TUNAR: variants seen among roughly 807,000 people sequenced by gnomAD.
TUNAR encodes the protein transmembrane neural differentiation associated intracellular calcium regulator, also known as protein TUNAR.
At chr14:95,910,045 C>T (rs780012975) in intron 2 of TUNAR, among the ~76,000 whole-genome samples, 5 of 152,142 alleles carry the variant, frequency 3.3e-5, no homozygotes, top group African/African-American at 1.2e-4. Flanking sequence ...ATGTTGGCTG[C>T]GTGATTTAAA....
At chr14:95,881,156 G>C (rs1475138052) in intron 2 of TUNAR, among the ~76,000 whole-genome samples, 1 of 152,160 alleles carries the variant, frequency 6.6e-6, no homozygotes, top group Non-Finnish European at 1.5e-5. Flanking sequence ...TTTGACGTAA[G>C]TAGCATACGG....
chr14:95,886,617 G>T (rs553445148), intron 2 of TUNAR, among the ~76,000 whole-genome samples: 21 of 152,328 alleles, frequency 1.4e-4, no homozygotes, highest in Non-Finnish European at 2.8e-4. Context: ...CCTCTGGAGG[G>T]TTCCCTGCCC....
chr14:95,882,438 A>C (rs1888995209), intron 2 of TUNAR, among the ~76,000 whole-genome samples: 1 of 152,234 alleles, frequency 6.6e-6, no homozygotes, highest in Non-Finnish European at 1.5e-5. Flanking sequence ...AACGAGAAGC[A>C]CAAAATAAAT....
chr14:95,922,957 C>T (rs965898313), exon 3 of TUNAR: 1 of 398,904 alleles, frequency 2.5e-6, no homozygotes, highest in Non-Finnish European at 4.4e-6. Context: ...ACATATACAC[C>T]ACCCTGTGAA....
intron 2 of TUNAR, among the ~76,000 whole-genome samples, chr14:95,893,682 G>A (rs1163636282): frequency 6.6e-6 from 1 of 152,044 alleles, no homozygotes; most frequent in Non-Finnish European, 1.5e-5. Flanking sequence ...CTCAAGTGCT[G>A]GAGTTCTCAA....
At chr14:95,903,096 A>G (rs1312011945) in intron 2 of TUNAR, among the ~76,000 whole-genome samples, 1 of 152,202 alleles carries the variant, frequency 6.6e-6, no homozygotes, top group Non-Finnish European at 1.5e-5. Flanking sequence ...GCTGAGGCTC[A>G]GAAACAATAG....
chr14:95,922,347 G>GC (rs1442919088), intron 2 of TUNAR, among the ~76,000 whole-genome samples: 4 of 152,186 alleles, frequency 2.6e-5, no homozygotes, highest in African/African-American at 9.7e-5. Context: ...GGACTGTGAT[G>GC]CCCCATACAC....
chr14:95,899,965 C>T (rs1407184787), intron 2 of TUNAR, among the ~76,000 whole-genome samples: 1 of 152,178 alleles, frequency 6.6e-6, no homozygotes, highest in Non-Finnish European at 1.5e-5. Context: ...GAACTTTCTC[C>T]TATAGAATAT....
intron 2 of TUNAR, among the ~76,000 whole-genome samples, chr14:95,916,843 C>T (rs1482165373): frequency 4.6e-5 from 7 of 152,148 alleles, no homozygotes; most frequent in Non-Finnish European, 8.8e-5. Flanking sequence ...GATGGTAGCT[C>T]ACTGTGTTTC....
intron 2 of TUNAR, among the ~76,000 whole-genome samples, chr14:95,900,575 T>C (rs1249360278): frequency 6.6e-6 from 1 of 152,096 alleles, no homozygotes; most frequent in African/African-American, 2.4e-5. Flanking sequence ...TCTTGTCTGG[T>C]GAGGGCACAG....
chr14:95,884,120 C>T (rs1015072037), intron 2 of TUNAR, among the ~76,000 whole-genome samples: 1 of 152,148 alleles, frequency 6.6e-6, no homozygotes, highest in Admixed American at 6.5e-5. Flanking sequence ...CCACGCTTCC[C>T]GCTCCTCCTC....
chr14:95,891,315 G>C (rs556206412), intron 2 of TUNAR, among the ~76,000 whole-genome samples: 1 of 152,178 alleles, frequency 6.6e-6, no homozygotes, highest in African/African-American at 2.4e-5. Flanking sequence ...GGCTGCCAGC[G>C]GTTGTGTTCA....
chr14:95,913,836 G>A (rs1229517142), intron 2 of TUNAR, among the ~76,000 whole-genome samples: 1 of 152,076 alleles, frequency 6.6e-6, no homozygotes, highest in African/African-American at 2.4e-5. Context: ...AGGTTCAAGC[G>A]ATTCTCCTGC....
At chr14:95,884,381 A>G (rs1380016640) in intron 2 of TUNAR, among the ~76,000 whole-genome samples, 1 of 152,108 alleles carries the variant, frequency 6.6e-6, no homozygotes, top group Non-Finnish European at 1.5e-5. Context: ...CCAAGGAGCC[A>G]CAGGACCTGG....
At chr14:95,900,875 A>G (rs1014856928) in intron 2 of TUNAR, among the ~76,000 whole-genome samples, 2 of 152,208 alleles carry the variant, frequency 1.3e-5, no homozygotes, top group African/African-American at 4.8e-5. Flanking sequence ...GGACAGGCAA[A>G]CAGGCTCGTA....
chr14:95,887,838 G>A (rs985475443), intron 2 of TUNAR, among the ~76,000 whole-genome samples: 2 of 152,304 alleles, frequency 1.3e-5, no homozygotes, highest in East Asian at 3.9e-4. Context: ...GTTCTGTGTG[G>A]TTATTCAGGG....
intron 2 of TUNAR, among the ~76,000 whole-genome samples, chr14:95,881,161 A>C (rs142621068): frequency 8.4e-4 from 128 of 152,324 alleles, no homozygotes; most frequent in African/African-American, 3.0e-3. Context: ...CGTAAGTAGC[A>C]TACGGAGGTG....
intron 2 of TUNAR, among the ~76,000 whole-genome samples, chr14:95,891,506 G>GCT (rs1566786569): frequency 6.6e-6 from 1 of 152,202 alleles, no homozygotes; most frequent in East Asian, 1.9e-4. Context: ...GCCCAAAATG[G>GCT]CAGATGAGGA....
chr14:95,888,961 C>T (rs1889122913), intron 2 of TUNAR, among the ~76,000 whole-genome samples: 1 of 152,218 alleles, frequency 6.6e-6, no homozygotes, highest in Non-Finnish European at 1.5e-5. Flanking sequence ...GGCCGTCACC[C>T]CTCTGCAGTG....
Sources: allele counts gnomAD v4.1 joint callset (sites outside exome capture counted in the v4.1 genomes callset), GRCh38; gene constraint gnomAD v4.1.1; transcripts MANE v1.5; gene names NCBI Gene and HGNC (gene_info 2026-07-23, HGNC 2026-07-21).